CCSER1: variants seen among roughly 807,000 people sequenced by gnomAD.
The protein encoded by CCSER1 is serine-rich coiled-coil domain-containing protein 1.
A neutral mutation model predicts 82.0 loss-of-function variants in CCSER1; 41 were observed. That is an observed-to-expected ratio of 0.50 (90% confidence interval 0.39 to 0.65). CCSER1 has a LOEUF of 0.65. Ranked by LOEUF, CCSER1 falls within the 30% of genes least tolerant of loss-of-function variation. CCSER1 has a pLI of 0.00. For synonymous variants in CCSER1, 414 were observed against 383.9 expected (o/e 1.08, Z -0.92); for missense variants, 1,119 against 1,064.2 (o/e 1.05, Z -0.72).
intron 1 of CCSER1, among the ~76,000 whole-genome samples, chr4:90,299,159 A>G (rs897391127): frequency 1.3e-5 from 2 of 152,068 alleles, no homozygotes; most frequent in Non-Finnish European, 2.9e-5. Flanking sequence ...TGCTAGAATA[A>G]TTTCTTTCAA....
At chr4:91,118,487 T>C (rs553812568) in intron 10 of CCSER1, among the ~76,000 whole-genome samples, 1 of 152,054 alleles carries the variant, frequency 6.6e-6, no homozygotes, top group South Asian at 2.1e-4. Context: ...GTTGCCCTGG[T>C]TGGTCTCTAA....
At chr4:91,422,885 G>A (rs1371514995) in intron 10 of CCSER1, among the ~76,000 whole-genome samples, 2 of 152,200 alleles carry the variant, frequency 1.3e-5, no homozygotes, top group East Asian at 1.9e-4. Flanking sequence ...ATTTATATAG[G>A]ACTGAGAGGA....
chr4:90,618,839 TA>T (rs939886349), intron 5 of CCSER1, among the ~76,000 whole-genome samples: 1 of 151,752 alleles, frequency 6.6e-6, no homozygotes, highest in South Asian at 2.1e-4. Context: ...GTTTGTGACT[TA>T]AAAAAAGCCT....
intron 10 of CCSER1, among the ~76,000 whole-genome samples, chr4:91,519,669 A>G (rs780249688): frequency 6.6e-6 from 1 of 152,192 alleles, no homozygotes; most frequent in Non-Finnish European, 1.5e-5. Context: ...TATTGAAGAA[A>G]TGTGGGTCCT....
At chr4:91,214,562 A>T (rs1737093792) in intron 10 of CCSER1, among the ~76,000 whole-genome samples, 1 of 152,112 alleles carries the variant, frequency 6.6e-6, no homozygotes, top group Non-Finnish European at 1.5e-5. Flanking sequence ...CTTTCACTAG[A>T]CTAGAAACTA....
At chr4:91,509,837 A>G (rs547295067) in intron 10 of CCSER1, among the ~76,000 whole-genome samples, 1 of 152,116 alleles carries the variant, frequency 6.6e-6, no homozygotes, top group Non-Finnish European at 1.5e-5. Flanking sequence ...GAAGATATAT[A>G]GATTTTTTTT....
chr4:90,854,861 G>A (rs1250291962), intron 8 of CCSER1, among the ~76,000 whole-genome samples: 1 of 152,078 alleles, frequency 6.6e-6, no homozygotes, highest in Non-Finnish European at 1.5e-5. Context: ...ATAAAGAAAA[G>A]AGGTTTAATT....
intron 7 of CCSER1, among the ~76,000 whole-genome samples, chr4:90,770,766 G>A (rs1417261228): frequency 2.6e-5 from 4 of 151,666 alleles, no homozygotes; most frequent in African/African-American, 4.9e-5. Context: ...TTTGTTTTCT[G>A]TCTCACACAT....
In CCSER1 at chr4:91,384,306, A is replaced by C. The variant is rs924544772; in HGVS notation, c.2218-214266A>C. Among the ~76,000 whole-genome samples, 4 of 152,150 alleles carry C rather than the reference A, an allele frequency of 2.6e-5. No homozygotes were observed. The East Asian group carries it at 7.7e-4, about 29-fold the overall frequency. On this transcript the variant is annotated intron_variant, in intron 10 of 10. Coordinates refer to ENST00000509176, the MANE Select transcript of CCSER1 (RefSeq NM_001145065.2). ...ATGTATTGCAGATAAATAAGTTTAC[A>C]TTTTAGAAAACTGTTAAAGTAACTG...
chr4:90,327,062 G>C (rs1347171659), intron 3 of CCSER1, among the ~76,000 whole-genome samples: 1 of 152,108 alleles, frequency 6.6e-6, no homozygotes, highest in African/African-American at 2.4e-5. Context: ...TTGTTTGCTA[G>C]GAAGTCTGTC....
intron 8 of CCSER1, among the ~76,000 whole-genome samples, chr4:90,824,143 T>A (rs1760125708): frequency 6.6e-6 from 1 of 152,046 alleles, no homozygotes; most frequent in Non-Finnish European, 1.5e-5. Context: ...AAAAAAATGT[T>A]TAAAAACATG....
At chr4:90,159,668 A>G (rs1390569428) in intron 1 of CCSER1, among the ~76,000 whole-genome samples, 1 of 152,210 alleles carries the variant, frequency 6.6e-6, no homozygotes, top group Admixed American at 6.5e-5. Context: ...TATTCACAGA[A>G]TGTAGTGACC....
At chr4:90,828,987 G>A (rs1255583013) in intron 8 of CCSER1, among the ~76,000 whole-genome samples, 1 of 152,084 alleles carries the variant, frequency 6.6e-6, no homozygotes, top group Non-Finnish European at 1.5e-5. Context: ...AAACAAGCAT[G>A]TGGGGATGTC....
chr4:91,086,509 AT>A (rs1382911503), intron 10 of CCSER1, among the ~76,000 whole-genome samples: 1 of 151,774 alleles, frequency 6.6e-6, no homozygotes, highest in Non-Finnish European at 1.5e-5. Flanking sequence ...ACATCACTTA[AT>A]TTTTTTTCCC....
chr4:90,374,920 A>G (rs1748054418), intron 3 of CCSER1, among the ~76,000 whole-genome samples: 1 of 152,164 alleles, frequency 6.6e-6, no homozygotes, highest in South Asian at 2.1e-4. Context: ...TGGAACTTCC[A>G]CACTCCCTAC....
intron 4 of CCSER1, among the ~76,000 whole-genome samples, chr4:90,413,902 T>A (rs1755315475): frequency 8.1e-6 from 1 of 123,402 alleles, no homozygotes; most frequent in Non-Finnish European, 1.6e-5. Flanking sequence ...TGAGCCAAGA[T>A]TGCGCCACTG....
intron 9 of CCSER1, among the ~76,000 whole-genome samples, chr4:91,079,990 C>G (rs190574244): frequency 2.6e-4 from 39 of 152,252 alleles, no homozygotes; most frequent in African/African-American, 9.4e-4. Context: ...AACCCCCTGT[C>G]AACATTAGAC....
intron 5 of CCSER1, among the ~76,000 whole-genome samples, chr4:90,496,150 T>C (rs2153608473): frequency 6.6e-6 from 1 of 152,300 alleles, no homozygotes; most frequent in East Asian, 1.9e-4. Flanking sequence ...AAAACCACGA[T>C]GGATGCCACT....
intron 10 of CCSER1, among the ~76,000 whole-genome samples, chr4:91,318,112 C>G (rs894450888): frequency 2.6e-5 from 4 of 151,680 alleles, no homozygotes; most frequent in Admixed American, 1.3e-4. Context: ...GGCCCATGCT[C>G]TGGGTGGGGA....
Sources: gnomAD v4.1 joint callset for allele counts (sites outside exome capture counted in the v4.1 genomes callset) on GRCh38, gnomAD v4.1.1 for gene constraint, MANE v1.5 for transcripts, NCBI Gene and HGNC (gene_info 2026-07-23, HGNC 2026-07-21) for gene names.